ANGPT2: variants seen among roughly 807,000 people sequenced by gnomAD.
ANGPT2 encodes the protein angiopoietin-2.
A neutral mutation model predicts 62.9 loss-of-function variants in ANGPT2; 28 were observed. The observed-to-expected ratio is 0.44, with a 90% CI of 0.33 to 0.61. ANGPT2 has a LOEUF of 0.61. Ranked by LOEUF, ANGPT2 falls within the 20% of genes least tolerant of loss-of-function variation. The pLI, the probability that ANGPT2 is intolerant of heterozygous loss-of-function variation, is 0.03. For synonymous variants in ANGPT2, 284 were observed against 207.8 expected, an observed-to-expected ratio of 1.37 and a Z score of -3.15; for missense variants, 727 against 594.9, an observed-to-expected ratio of 1.22 and a Z score of -2.31.
intron 1 of ANGPT2, among the ~76,000 whole-genome samples, chr8:6,535,032 G>C (rs1249396234): frequency 6.6e-6 from 1 of 152,152 alleles, no homozygotes; most frequent in East Asian, 1.9e-4. Flanking sequence ...ATTCCGGGAG[G>C]CTTGGAACTA....
At chr8:6,551,899 G>C (rs554459071) in intron 1 of ANGPT2, among the ~76,000 whole-genome samples, 4 of 152,298 alleles carry the variant, frequency 2.6e-5, no homozygotes, top group Admixed American at 2.0e-4. Context: ...GAATTTTTAA[G>C]CTACATCTGT....
intron 1 of ANGPT2, among the ~76,000 whole-genome samples, chr8:6,534,535 C>T (rs984515093): frequency 1.3e-5 from 2 of 152,162 alleles, no homozygotes; most frequent in African/African-American, 2.4e-5. Context: ...CCCCAAAGTG[C>T]TGGGACTACG....
chr8:6,559,140 T>C (rs1437315904), intron 1 of ANGPT2, among the ~76,000 whole-genome samples: 2 of 152,026 alleles, frequency 1.3e-5, no homozygotes, highest in African/African-American at 4.8e-5. Context: ...TGGGATGGGA[T>C]TTTTTTCTTT....
intron 1 of ANGPT2, 73 bp from the exon 2 acceptor site, chr8:6,532,560 C>A: frequency 3.6e-5 from 34 of 955,740 alleles, no homozygotes; most frequent in South Asian, 8.3e-5. Flanking sequence ...TGTTTGTCGT[C>A]TCCTCCCTAT....
intron 3 of ANGPT2, among the ~76,000 whole-genome samples, chr8:6,523,732 G>A (rs1817798833): frequency 6.6e-6 from 1 of 152,094 alleles, no homozygotes; most frequent in South Asian, 2.1e-4. Flanking sequence ...TAGGATTACA[G>A]GTGTGCCACC....
chr8:6,515,859 A>C (rs773417297), intron 5 of ANGPT2, among the ~76,000 whole-genome samples: 1 of 152,178 alleles, frequency 6.6e-6, no homozygotes, highest in Non-Finnish European at 1.5e-5. Context: ...ACGAGTTAGA[A>C]TCCTAAAGAG....
intron 1 of ANGPT2, among the ~76,000 whole-genome samples, chr8:6,557,332 C>G (rs1824790866): frequency 6.6e-6 from 1 of 152,218 alleles, no homozygotes; most frequent in East Asian, 1.9e-4. Context: ...ACCTACCATA[C>G]TTGTGTACTA....
intron 1 of ANGPT2, among the ~76,000 whole-genome samples, chr8:6,540,938 C>T (rs958068877): frequency 6.6e-6 from 1 of 152,256 alleles, no homozygotes; most frequent in African/African-American, 2.4e-5. Flanking sequence ...AGAACATCCA[C>T]CTGGGGCAAG....
intron 1 of ANGPT2, among the ~76,000 whole-genome samples, chr8:6,558,312 A>G (rs1353332889): frequency 2.0e-5 from 3 of 152,180 alleles, no homozygotes; most frequent in African/African-American, 4.8e-5. Flanking sequence ...CACCATTTTA[A>G]TAGCCTGACA....
intron 1 of ANGPT2, among the ~76,000 whole-genome samples, chr8:6,561,602 T>C (rs780792190): frequency 1.3e-5 from 2 of 152,252 alleles, no homozygotes. Flanking sequence ...AGACTTTACA[T>C]AGCTTTAGAT....
chr8:6,532,239 G>T, intron 2 of ANGPT2, 93 bp downstream of exon 2: 4 of 1,451,242 alleles, frequency 2.8e-6, no homozygotes, highest in Admixed American at 2.0e-5. Flanking sequence ...GCTTTCTTTA[G>T]TTTCTCATGC....
At chr8:6,536,417 G>A (rs1820514946) in intron 1 of ANGPT2, among the ~76,000 whole-genome samples, 1 of 150,396 alleles carries the variant, frequency 6.6e-6, no homozygotes, top group Admixed American at 6.6e-5. Context: ...GAGCCAAAGT[G>A]ATATATCTCA....
At chr8:6,518,193 T>C (rs1008961032) in intron 5 of ANGPT2, among the ~76,000 whole-genome samples, 9 of 152,186 alleles carry the variant, frequency 5.9e-5, no homozygotes, top group African/African-American at 1.7e-4. Context: ...TCTGCATCGG[T>C]GTCCATGGCA....
intron 2 of ANGPT2, among the ~76,000 whole-genome samples, chr8:6,528,634 C>G (rs1162389830): frequency 6.6e-6 from 1 of 152,262 alleles, no homozygotes; most frequent in Non-Finnish European, 1.5e-5. Flanking sequence ...CAGTGCGGCT[C>G]TCCCGCGGAT....
chr8:6,550,234 G>T (rs991972216), intron 1 of ANGPT2, among the ~76,000 whole-genome samples: 29 of 152,262 alleles, frequency 1.9e-4, no homozygotes, highest in Non-Finnish European at 3.1e-4. Context: ...TGGCTGCGAA[G>T]GGTGGCGGCG....
chr8:6,544,767 C>T (rs1019709202), intron 1 of ANGPT2, among the ~76,000 whole-genome samples: 3 of 152,112 alleles, frequency 2.0e-5, no homozygotes, highest in Non-Finnish European at 4.4e-5. Flanking sequence ...TACACTTTGC[C>T]ATAAAAGAGC....
intron 5 of ANGPT2, among the ~76,000 whole-genome samples, chr8:6,518,371 T>C (rs1216825465): frequency 6.6e-6 from 1 of 152,256 alleles, no homozygotes; most frequent in African/African-American, 2.4e-5. Context: ...TGCCTTTTCA[T>C]CTGCAGCAGA....
chr8:6,502,768 G>A lies in ANGPT2; in HGVS notation c.*333C>T. On this transcript the variant is annotated 3_prime_UTR_variant, in exon 9 of 9. Coordinates refer to ENST00000629816, the MANE Select transcript of ANGPT2 (RefSeq NM_001118887.2). ...TATAACATAAGTGTTCTGTTTTCCA[G>A]TTATTTACTGATAAACTTGCACATA... The A allele has an allele frequency of 3.2e-6, 1 of 316,362 alleles. No homozygotes were observed. The highest frequency in any genetic ancestry group is 2.1e-5 in the African/African-American group (1 of 47,324). 19.6% of individuals were successfully genotyped at this position (316,362 alleles called of 1,614,324 possible).
chr8:6,556,834 C>T (rs1369708282), intron 1 of ANGPT2, among the ~76,000 whole-genome samples: 1 of 152,082 alleles, frequency 6.6e-6, no homozygotes, highest in African/African-American at 2.4e-5. Flanking sequence ...AAGTGTCTTC[C>T]CATCTTGGCC....
Sources: allele counts gnomAD v4.1 joint callset (sites outside exome capture counted in the v4.1 genomes callset), GRCh38; gene constraint gnomAD v4.1.1; transcripts MANE v1.5; gene names NCBI Gene and HGNC (gene_info 2026-07-23, HGNC 2026-07-21).